MACO1: variants seen among roughly 807,000 people sequenced by gnomAD.
The protein encoded by MACO1 is macoilin.
A neutral mutation model predicts 78.7 loss-of-function variants in MACO1; 14 were observed. The ratio of observed to expected loss-of-function variants is 0.18; its 90% CI spans 0.12 to 0.28. MACO1 has a LOEUF of 0.28. MACO1 is among the 10% of genes least tolerant of loss of function. The pLI, the probability that MACO1 is intolerant of heterozygous loss-of-function variation, is 1.00. For synonymous variants in MACO1, 288 were observed against 291.6 expected (o/e 0.99, Z 0.12); for missense variants, 501 against 799.0 (o/e 0.63, Z 4.50).
At chr1:25,441,338 CT>C (rs2042970565) in intron 1 of MACO1, among the ~76,000 whole-genome samples, 1 of 151,948 alleles carries the variant, frequency 6.6e-6, no homozygotes, top group Admixed American at 6.6e-5. Context: ...TTACAGGCAT[CT>C]GCCTGGCTAA....
chr1:25,461,467 T>C lies in MACO1; in HGVS notation c.1154+2575T>C, dbSNP rs148783346. On this transcript the variant is annotated intron_variant, in intron 6 of 10. Coordinates refer to ENST00000374343, the MANE Select transcript of MACO1 (RefSeq NM_018202.6). Reference sequence around the variant, plus strand: ...TTTACTGTCTGAGTGGCCTTGGGCATATTATTTGACCCCTCTGATTTCCAT... The same window carrying C: ...TTTACTGTCTGAGTGGCCTTGGGCACATTATTTGACCCCTCTGATTTCCAT... Among the ~76,000 whole-genome samples, 1,250 of 152,302 alleles carry C rather than the reference T, an allele frequency of 8.2e-3. 15 individuals are homozygous for C. The highest frequency in any genetic ancestry group is 0.028 in the African/African-American group (1,162 of 41,540).
intron 10 of MACO1, among the ~76,000 whole-genome samples, chr1:25,492,657 G>A (rs936469748): frequency 6.6e-5 from 10 of 152,146 alleles, no homozygotes; most frequent in Admixed American, 6.5e-5. Flanking sequence ...GGGTTTTACC[G>A]TGAGTGCCAT....
chr1:25,461,767 A>T (rs563888350), intron 6 of MACO1, among the ~76,000 whole-genome samples: 9 of 152,304 alleles, frequency 5.9e-5, no homozygotes, highest in African/African-American at 1.9e-4. Flanking sequence ...ATGAAAAACA[A>T]TTTTTTCTAA....
chr1:25,481,308 TCAG>T (rs1361397357), intron 6 of MACO1, among the ~76,000 whole-genome samples: 2 of 152,110 alleles, frequency 1.3e-5, no homozygotes, highest in African/African-American at 2.4e-5. Flanking sequence ...AAGAGGCAAA[TCAG>T]CAGCCATCTG....
rs772217758 is a variant in MACO1 at position 25,491,602 on chromosome 1, C to G, written c.1792+18C>G. 1.2e-6 allele frequency: 2 copies of G among 1,610,370 alleles called. No homozygotes were observed. Among genetic ancestry groups the G allele is most frequent in the East Asian group, 2.2e-5 (1 of 44,856 alleles). On this transcript the variant is annotated intron_variant, in intron 10 of 10. Coordinates refer to ENST00000374343, the MANE Select transcript of MACO1 (RefSeq NM_018202.6). Reference sequence around the variant, plus strand: ...TGCCCAAGGTAGGAGAACGTGGGCCCCTGGTGAGGTGGTGTGACTGATAAT... The same window carrying G: ...TGCCCAAGGTAGGAGAACGTGGGCCGCTGGTGAGGTGGTGTGACTGATAAT...
intron 8 of MACO1, among the ~76,000 whole-genome samples, chr1:25,488,111 G>A (rs999746694): frequency 1.1e-4 from 17 of 152,174 alleles, no homozygotes; most frequent in Non-Finnish European, 2.2e-4. Context: ...GAGTGCAATG[G>A]TGCAGTCATA....
At chr1:25,449,418 C>T (rs1217796859) in intron 3 of MACO1, among the ~76,000 whole-genome samples, 1 of 152,190 alleles carries the variant, frequency 6.6e-6, no homozygotes, top group Non-Finnish European at 1.5e-5. Flanking sequence ...TGGTACCCTA[C>T]TCTGTTTTTG....
intron 1 of MACO1, among the ~76,000 whole-genome samples, chr1:25,431,505 A>T (rs909834): frequency 2.0e-5 from 3 of 151,252 alleles, no homozygotes; most frequent in African/African-American, 7.3e-5. Context: ...CATCCCGGCC[A>T]TGCCGCTGGG....
chr1:25,488,843 A>G (rs1056203078), intron 8 of MACO1, among the ~76,000 whole-genome samples: 2 of 151,826 alleles, frequency 1.3e-5, no homozygotes, highest in Non-Finnish European at 2.9e-5. Flanking sequence ...TTTGAGATGG[A>G]GTCTCACTCG....
intron 6 of MACO1, among the ~76,000 whole-genome samples, chr1:25,479,656 G>T (rs991472034): frequency 6.6e-6 from 1 of 152,080 alleles, no homozygotes; most frequent in Non-Finnish European, 1.5e-5. Context: ...TGATCTGCCC[G>T]CCTCAGCTTC....
At chr1:25,484,933 C>G (rs1411854582) in intron 7 of MACO1, among the ~76,000 whole-genome samples, 1 of 152,146 alleles carries the variant, frequency 6.6e-6, no homozygotes, top group African/African-American at 2.4e-5. Context: ...AGGCAAATAA[C>G]CTCTCCATTG....
intron 1 of MACO1, among the ~76,000 whole-genome samples, chr1:25,434,642 T>C (rs1218003164): frequency 6.6e-6 from 1 of 152,260 alleles, no homozygotes; most frequent in Non-Finnish European, 1.5e-5. Flanking sequence ...CTCTGTGCTA[T>C]TTTATGATAA....
chr1:25,498,122 C>A, intron 10 of MACO1, 142 bp from the exon 11 acceptor site: 1 of 722,216 alleles, frequency 1.4e-6, no homozygotes, highest in Non-Finnish European at 2.3e-6. Context: ...TGTCCCATTA[C>A]AGGACAAGTT....
intron 4 of MACO1, among the ~76,000 whole-genome samples, chr1:25,455,751 T>C (rs1387089254): frequency 6.6e-6 from 1 of 152,220 alleles, no homozygotes; most frequent in Non-Finnish European, 1.5e-5. Context: ...CTTGAATTTA[T>C]GTATGACAGA....
chr1:25,443,409 G>A (rs2042988373), intron 1 of MACO1, among the ~76,000 whole-genome samples: 1 of 152,182 alleles, frequency 6.6e-6, no homozygotes, highest in South Asian at 2.1e-4. Context: ...TGCCTGAAAG[G>A]AGAGCCAGAG....
chr1:25,440,431 A>G (rs2042960876), intron 1 of MACO1, among the ~76,000 whole-genome samples: 1 of 151,596 alleles, frequency 6.6e-6, no homozygotes, highest in Non-Finnish European at 1.5e-5. Flanking sequence ...AGAAGAAAGA[A>G]AAAAGTTAAA....
At chr1:25,449,093 T>C (rs920842248) in intron 3 of MACO1, among the ~76,000 whole-genome samples, 159 bp downstream of exon 3, 3 of 152,094 alleles carry the variant, frequency 2.0e-5, no homozygotes, top group African/African-American at 7.2e-5. Context: ...AATATATATC[T>C]TTTTTCGTTA....
intron 4 of MACO1, among the ~76,000 whole-genome samples, chr1:25,455,281 C>T (rs1242503993): frequency 6.6e-6 from 1 of 151,828 alleles, no homozygotes; most frequent in Non-Finnish European, 1.5e-5. Flanking sequence ...TAATCTTAAC[C>T]ATGAAACATT....
At chr1:25,470,213 C>T (rs2043255428) in intron 6 of MACO1, among the ~76,000 whole-genome samples, 1 of 152,168 alleles carries the variant, frequency 6.6e-6, no homozygotes, top group Non-Finnish European at 1.5e-5. Flanking sequence ...CATTTCAAAG[C>T]CACTAGCAAA....
Sources: gnomAD v4.1 joint callset for allele counts (sites outside exome capture counted in the v4.1 genomes callset) on GRCh38, gnomAD v4.1.1 for gene constraint, MANE v1.5 for transcripts, NCBI Gene and HGNC (gene_info 2026-07-23, HGNC 2026-07-21) for gene names.